The following C11orf65 variants were observed in gnomAD, a reference collection of about 807,000 sequenced individuals.
C11orf65 encodes the protein protein MFI.
A neutral mutation model predicts 35.3 loss-of-function variants in C11orf65; 38 were observed. The ratio of observed to expected loss-of-function variants is 1.08; its 90% confidence interval spans 0.83 to 1.41. The LOEUF (loss-of-function observed/expected upper bound fraction) is 1.41. C11orf65 is among the 40% of genes most tolerant of loss of function. C11orf65 has a pLI of 0.00. For missense variants in C11orf65, 370 were observed against 367.1 expected (o/e 1.01, Z -0.06); for synonymous variants, 105 against 114.4 (o/e 0.92, Z 0.53).
chr11:108,437,753 A>G, intron 2 of C11orf65, among the ~76,000 whole-genome samples: 1 of 149,486 alleles, frequency 6.7e-6, no homozygotes, highest in South Asian at 2.1e-4. Flanking sequence ...AAGGAAATTA[A>G]ACGGAAAAAC....
chr11:108,383,786 G>C lies in C11orf65; in HGVS notation c.788-611C>G, dbSNP rs149588624. Among the ~76,000 whole-genome samples, 1,136 of 151,524 alleles carry C rather than the reference G, an allele frequency of 7.5e-3. 8 individuals carry two copies. The highest frequency in any genetic ancestry group is 0.024 in the African/African-American group (1,008 of 41,298). ...CCACTACTTAAAATAATTTTCACTT[G>C]CTTTTATGCTCCTTCCAACTACCAT... On this transcript the variant is annotated intron_variant, in intron 8 of 8. Transcript: ENST00000393084.
At chr11:108,317,604 C>G (rs1267085713) in intron 6 of C11orf65, 7 of 790,858 alleles carry the variant, frequency 8.9e-6, no homozygotes, top group Non-Finnish European at 1.3e-5. Flanking sequence ...ATGAATATAA[C>G]AGGAGTTGTT....
chr11:108,437,102 A>T (rs1349578272), intron 2 of C11orf65, among the ~76,000 whole-genome samples: 1 of 121,288 alleles, frequency 8.2e-6, no homozygotes, highest in African/African-American at 3.1e-5. Flanking sequence ...GACAAAAAAA[A>T]AAAAAAAAGG....
At chr11:108,360,355 T>A (rs1335546107) in intron 2 of C11orf65, among the ~76,000 whole-genome samples, 4 of 151,482 alleles carry the variant, frequency 2.6e-5, no homozygotes, top group African/African-American at 9.7e-5. Context: ...ACAGCTGAAT[T>A]CTACCAGAGG....
At chr11:108,334,040 AT>A in intron 3 of C11orf65, 1 of 1,219,438 alleles carries the variant, frequency 8.2e-7, no homozygotes, top group Non-Finnish European at 1.2e-6. Context: ...TTGAAATAGT[AT>A]TTTTATGTAG....
rs1291388225 is a variant in C11orf65 at position 108,331,923 on chromosome 11, T to C, written c.300-356A>G. ...TGGATCACCCCCATCACACTTTGTT[T>C]ATTATACTGGCCTTAGCAAATGCAA... On this transcript the variant is annotated intron_variant, in intron 3 of 3. Transcript: ENST00000524755. The C allele has an allele frequency of 1.9e-6, 3 of 1,614,040 alleles. No homozygotes were observed. The South Asian group carries it at 3.3e-5, about 18-fold the overall frequency.
chr11:108,366,461 G>T, intron 2 of C11orf65: 1 of 222,666 alleles, frequency 4.5e-6, no homozygotes, highest in Non-Finnish European at 9.0e-6. Context: ...CACTGTAATA[G>T]TTCTATTAAA....
At position 108,394,088 on chromosome 11, in the gene C11orf65, G is replaced by A. The variant is rs540501343; in HGVS notation, c.561-710C>T. On this transcript the variant is annotated intron_variant, in intron 6 of 8. Coordinates refer to ENST00000393084, the MANE Select transcript of C11orf65 (RefSeq NM_152587.5). ...CCAGCTACTTGGGAAGCTGAGGCAG[G>A]AGAATCGCTAGAACCTGGGAGGTGG... 2.0e-5 allele frequency among the ~76,000 whole-genome samples: 3 copies of A among 148,690 alleles called. No individual in the cohort carries two copies. In the South Asian group the frequency reaches 6.4e-4, roughly 32 times the overall value.
intron 3 of C11orf65, among the ~76,000 whole-genome samples, chr11:108,430,528 A>T (rs1455318897): frequency 6.6e-6 from 1 of 152,000 alleles, no homozygotes; most frequent in East Asian, 1.9e-4. Context: ...AAGTAGTTTT[A>T]AAAAAATACA....
At chr11:108,469,102 C>T (rs542763413), upstream of C11orf65, among the ~76,000 whole-genome samples, 1 of 151,890 alleles carries the variant, frequency 6.6e-6, no homozygotes, top group Admixed American at 6.6e-5. Flanking sequence ...GTCCCAGCTA[C>T]TCAGGAAGCT....
At chr11:108,444,795 C>T (rs1169117000) in intron 2 of C11orf65, among the ~76,000 whole-genome samples, 1 of 152,160 alleles carries the variant, frequency 6.6e-6, no homozygotes, top group African/African-American at 2.4e-5. Context: ...CGAGCTGAAG[C>T]AGGGCAAGGC....
chr11:108,357,732 G>T (rs2090181719), intron 2 of C11orf65, among the ~76,000 whole-genome samples: 1 of 152,152 alleles, frequency 6.6e-6, no homozygotes, highest in Non-Finnish European at 1.5e-5. Flanking sequence ...GCAGCTGAGG[G>T]TCTTGTCTGT....
At chr11:108,437,474 G>A (rs554782073) in intron 2 of C11orf65, among the ~76,000 whole-genome samples, 149 of 152,214 alleles carry the variant, frequency 9.8e-4, no homozygotes, top group Middle Eastern at 3.4e-3. Flanking sequence ...GGGAGGCTGA[G>A]GCGGGCAGAT....
intron 3 of C11orf65, among the ~76,000 whole-genome samples, chr11:108,331,721 C>T (rs1274800184): frequency 6.6e-6 from 1 of 152,062 alleles, no homozygotes; most frequent in Non-Finnish European, 1.5e-5. Context: ...TCTCTAATTC[C>T]TCATAGGCCT....
chr11:108,321,368 A>G (rs1430775210), intron 6 of C11orf65: 1 of 1,614,220 alleles, frequency 6.2e-7, no homozygotes, highest in South Asian at 1.1e-5. Flanking sequence ...TCCCACACTT[A>G]GCAGGTTGCA....
intron 2 of C11orf65, chr11:108,347,255 A>T (rs1565566805): frequency 6.6e-7 from 1 of 1,509,346 alleles, no homozygotes; most frequent in Non-Finnish European, 9.2e-7. Context: ...GTGATTTCAG[A>T]TTGTTTGTTT....
rs979541434 is a variant in C11orf65, at chr11:108,310,455, A to G, written c.641-1384T>C. 5.3e-5 allele frequency: 42 copies of G among 787,530 alleles called. No individual in the cohort carries two copies. The African/African-American group carries it at 7.0e-4, about 13-fold the overall frequency. 48.8% of individuals were successfully genotyped at this position (787,530 alleles called of 1,614,324 possible). On this transcript the variant is annotated intron_variant, in intron 6 of 6. Transcript: ENST00000525729. ...AGAAATTTTGTTTTAAAGTGAAATT[A>G]TAATAAATTTTTAAAAAGGAATATG...
At chr11:108,395,943 A>G (rs1053539662) in intron 6 of C11orf65, among the ~76,000 whole-genome samples, 3 of 151,870 alleles carry the variant, frequency 2.0e-5, no homozygotes, top group African/African-American at 7.3e-5. Flanking sequence ...AATAATAATA[A>G]TAAAAAAAGA....
intron 2 of C11orf65, among the ~76,000 whole-genome samples, chr11:108,443,417 G>A (rs952141483): frequency 4.6e-5 from 7 of 152,046 alleles, no homozygotes; most frequent in Admixed American, 2.6e-4. Flanking sequence ...ACAGATCAAC[G>A]AAACAGAAGG....
Sources: allele counts gnomAD v4.1 joint callset (sites outside exome capture counted in the v4.1 genomes callset), GRCh38; gene constraint gnomAD v4.1.1; transcripts MANE v1.5; gene names NCBI Gene and HGNC (gene_info 2026-07-23, HGNC 2026-07-21).